GRXCR2: variants seen among roughly 807,000 people sequenced by gnomAD.
GRXCR2 encodes the protein glutaredoxin and cysteine rich domain containing 2.
GRXCR2 carries 23 observed loss-of-function variants against 24.8 expected under a neutral mutation model. That is an observed-to-expected ratio of 0.93 (90% CI 0.67 to 1.32). The LOEUF (loss-of-function observed/expected upper bound fraction) is 1.32. GRXCR2 is among the 40% of genes most tolerant of loss of function. The probability of loss-of-function intolerance (pLI) is 0.00; values close to 1 mark genes in which losing one functional copy is unlikely to be tolerated. For synonymous variants in GRXCR2, 130 were observed against 116.1 expected, an observed-to-expected ratio of 1.12 and a Z score of -0.77; for missense variants, 315 against 303.4, an observed-to-expected ratio of 1.04 and a Z score of -0.28.
At chr5:145,903,993 A>G (rs1478914739) in intron 2 of GRXCR2, among the ~76,000 whole-genome samples, 1 of 152,168 alleles carries the variant, frequency 6.6e-6, no homozygotes, top group Non-Finnish European at 1.5e-5. Context: ...TCTGATGAAA[A>G]TTTCACAACA....
At chr5:145,891,502 G>A (rs1009125942) in intron 2 of GRXCR2, among the ~76,000 whole-genome samples, 22 of 152,176 alleles carry the variant, frequency 1.4e-4, no homozygotes, top group South Asian at 2.1e-4. Flanking sequence ...TGCCTGGCTC[G>A]GAGGGTCCTA....
intron 2 of GRXCR2, among the ~76,000 whole-genome samples, chr5:145,913,335 A>T (rs1030502580): frequency 6.6e-6 from 1 of 152,126 alleles, no homozygotes; most frequent in Non-Finnish European, 1.5e-5. Flanking sequence ...ATCATCTAGG[A>T]TCCACTTCTC....
intron 2 of GRXCR2, among the ~76,000 whole-genome samples, chr5:145,922,241 C>T (rs1757331597): frequency 6.6e-6 from 1 of 152,202 alleles, no homozygotes; most frequent in Admixed American, 6.5e-5. Context: ...GGTCCTCCCA[C>T]CCTTTGTGTC....
rs147980093 is a variant in GRXCR2 at position 145,888,390 on chromosome 5, A to G, written c.-69-21662T>C. Among the ~76,000 whole-genome samples the G allele has an allele frequency of 1.8e-3, 270 of 152,334 alleles. 2 individuals are homozygous for G. The highest frequency in any genetic ancestry group is 0.016 in the South Asian group (78 of 4,822). ...TGCTCACGGTGGAGCGTAGAAAAAT[A>G]TGTGGGTCTGGGGAAGTAGGGATCG... is the stretch of plus-strand genomic sequence containing the variant. On this transcript the variant is annotated intron_variant, in intron 2 of 3. Coordinates refer to the GRXCR2 transcript ENST00000639411.
intron 2 of GRXCR2, among the ~76,000 whole-genome samples, chr5:145,886,421 C>T (rs151031042): frequency 1.3e-3 from 192 of 152,272 alleles, no homozygotes; most frequent in Middle Eastern, 6.8e-3. Flanking sequence ...ACCCAGTAGA[C>T]GAGGAGTGTG....
intron 2 of GRXCR2, among the ~76,000 whole-genome samples, chr5:145,861,239 A>G (rs1230972473): frequency 6.6e-6 from 1 of 152,184 alleles, no homozygotes; most frequent in Admixed American, 6.5e-5. Flanking sequence ...AAGCTTATTA[A>G]GTTGCCTGCA....
intron 2 of GRXCR2, among the ~76,000 whole-genome samples, chr5:145,887,838 G>T (rs58922047): frequency 6.6e-6 from 1 of 152,106 alleles, no homozygotes; most frequent in African/African-American, 2.4e-5. Context: ...TTCAGAAAGC[G>T]TTTGTAGCCA....
At position 145,866,746 on chromosome 5, in the gene GRXCR2, G is replaced by T; in HGVS notation, c.337-18C>A. ...GGTAGGGGCTAGAGAAATGGAGAAT[G>T]AGCATGGAAACTTTACCACCAATCA... On this transcript the variant is annotated intron_variant, in intron 1 of 2. Transcript: ENST00000377976. The T allele has an allele frequency of 1.3e-6, 2 of 1,523,306 alleles. No individual in the cohort carries two copies. The highest frequency in any genetic ancestry group is 1.8e-6 in the Non-Finnish European group (2 of 1,098,276). 94.4% of individuals were successfully genotyped at this position (1,523,306 alleles called of 1,614,324 possible). A position where few individuals can be genotyped will look rare whatever the true frequency, so the allele number is the denominator to read the frequency against.
upstream of GRXCR2, among the ~76,000 whole-genome samples, chr5:145,876,500 A>T (rs1211748188): frequency 6.6e-6 from 1 of 151,940 alleles, no homozygotes; most frequent in African/African-American, 2.4e-5. Context: ...ATTTTCTTCT[A>T]TCTCTCCCAG....
At chr5:145,906,682 A>G (rs1757093229) in intron 2 of GRXCR2, among the ~76,000 whole-genome samples, 1 of 152,184 alleles carries the variant, frequency 6.6e-6, no homozygotes, top group African/African-American at 2.4e-5. Flanking sequence ...CTAAACAGTC[A>G]TTCACTCACC....
intron 2 of GRXCR2, among the ~76,000 whole-genome samples, chr5:145,884,575 A>T (rs1290195948): frequency 6.6e-6 from 1 of 152,174 alleles, no homozygotes; most frequent in Non-Finnish European, 1.5e-5. Flanking sequence ...TTATCCCCTC[A>T]ATATATATGC....
chr5:145,884,472 A>T (rs1433723738), intron 2 of GRXCR2, among the ~76,000 whole-genome samples: 4 of 152,180 alleles, frequency 2.6e-5, no homozygotes, highest in African/African-American at 4.8e-5. Context: ...AGATAATGTT[A>T]TGTAATTATA....
chr5:145,889,747 G>A (rs538035985), intron 2 of GRXCR2, among the ~76,000 whole-genome samples: 1 of 152,268 alleles, frequency 6.6e-6, no homozygotes, highest in East Asian at 1.9e-4. Context: ...GGAAATGACA[G>A]GTAAAGAATT....
intron 2 of GRXCR2, among the ~76,000 whole-genome samples, chr5:145,920,859 T>C: frequency 6.6e-6 from 1 of 152,314 alleles, no homozygotes; most frequent in South Asian, 2.1e-4. Flanking sequence ...AGAGACCTTA[T>C]AAAAAAGGCC....
intron 2 of GRXCR2, among the ~76,000 whole-genome samples, chr5:145,895,572 A>C (rs1034733627): frequency 6.6e-6 from 1 of 152,176 alleles, no homozygotes; most frequent in African/African-American, 2.4e-5. Flanking sequence ...TCCAACTCAC[A>C]AGGGATGTGA....
intron 2 of GRXCR2, among the ~76,000 whole-genome samples, chr5:145,904,263 T>A (rs1244541371): frequency 6.6e-6 from 1 of 151,988 alleles, no homozygotes; most frequent in Non-Finnish European, 1.5e-5. Flanking sequence ...ACCTCCACCC[T>A]CTCCTGAGAA....
upstream of GRXCR2, among the ~76,000 whole-genome samples, chr5:145,875,030 G>A (rs1335283142): frequency 2.0e-5 from 3 of 152,106 alleles, no homozygotes; most frequent in Non-Finnish European, 2.9e-5. Context: ...CGGACCTACC[G>A]CCATTCAGAT....
At chr5:145,929,199 CTATATATATA>C (rs72283862) in intron 2 of GRXCR2, among the ~76,000 whole-genome samples, 3 of 116,508 alleles carry the variant, frequency 2.6e-5, no homozygotes, top group African/African-American at 9.5e-5. Flanking sequence ...ATATTCCCCC[CTATATATATA>C]TATATATATA....
At chr5:145,889,172 A>AGAG (rs1756820943) in intron 2 of GRXCR2, among the ~76,000 whole-genome samples, 1 of 83,984 alleles carries the variant, frequency 1.2e-5, no homozygotes, top group African/African-American at 4.7e-5. Flanking sequence ...CTGTCTCAAA[A>AGAG]AAAGAAAGAA....
Sources: gnomAD v4.1 joint callset for allele counts (sites outside exome capture counted in the v4.1 genomes callset) on GRCh38, gnomAD v4.1.1 for gene constraint, MANE v1.5 for transcripts, NCBI Gene and HGNC (gene_info 2026-07-23, HGNC 2026-07-21) for gene names.